GPBP1L1: variants seen among roughly 807,000 people sequenced by gnomAD.
GPBP1L1 encodes vasculin-like protein 1.
Under a neutral mutation model 52.5 loss-of-function variants are expected in GPBP1L1, and 23 were observed. The observed-to-expected ratio is 0.44, with a 90% CI of 0.32 to 0.62. The LOEUF is 0.62. Among genes scored for constraint, GPBP1L1 ranks in the 20% least tolerant of loss-of-function variants. The probability of loss-of-function intolerance (pLI) is 0.06; values close to 1 mark genes in which losing one functional copy is unlikely to be tolerated. For synonymous variants in GPBP1L1, 243 were observed against 203.1 expected (o/e 1.20, Z -1.67); for missense variants, 596 against 579.3 (o/e 1.03, Z -0.30).
intron 2 of GPBP1L1, among the ~76,000 whole-genome samples, chr1:45,664,238 G>A (rs1363410374): frequency 6.6e-6 from 1 of 151,006 alleles, no homozygotes; most frequent in African/African-American, 2.4e-5. Context: ...GAGAATGGCG[G>A]GAACCCGGGA....
rs983872283 is a variant in GPBP1L1, at chr1:45,673,856, C to T, written c.-1098+11720G>A. Among the ~76,000 whole-genome samples the T allele has an allele frequency of 5.9e-5, 9 of 152,256 alleles. No homozygotes were observed. The East Asian group carries it at 1.7e-3, about 29-fold the overall frequency. On this transcript the variant is annotated intron_variant, in intron 2 of 12. Coordinates refer to ENST00000355105, the MANE Select transcript of GPBP1L1 (RefSeq NM_021639.5). ...GCCAGGCAACAGAGCAAGACTCCGT[C>T]TCAAACAAACAAACAAAAAAAATTG...
chr1:45,672,525 C>T (rs1645086217), intron 2 of GPBP1L1, among the ~76,000 whole-genome samples: 1 of 138,926 alleles, frequency 7.2e-6, no homozygotes, highest in Non-Finnish European at 1.6e-5. Flanking sequence ...GACAGAAGAA[C>T]TCTTTTTATA....
intron 2 of GPBP1L1, among the ~76,000 whole-genome samples, chr1:45,671,983 G>T (rs559457203): frequency 6.6e-6 from 1 of 152,204 alleles, no homozygotes; most frequent in East Asian, 1.9e-4. Flanking sequence ...CATGAGCACG[G>T]TCAACTTCTT....
At chr1:45,673,152 G>C (rs927776473) in intron 2 of GPBP1L1, among the ~76,000 whole-genome samples, 1 of 152,182 alleles carries the variant, frequency 6.6e-6, no homozygotes, top group African/African-American at 2.4e-5. Context: ...ATGTACCAGT[G>C]AAGACTGGCC....
chr1:45,683,653 T>C (rs947318942), intron 2 of GPBP1L1, among the ~76,000 whole-genome samples: 15 of 150,696 alleles, frequency 1.0e-4, no homozygotes, highest in East Asian at 2.0e-4. Flanking sequence ...AGTGAGCAGA[T>C]TGCTTGAGTC....
At chr1:45,658,317 T>C (rs1390562310) in intron 4 of GPBP1L1, among the ~76,000 whole-genome samples, 1 of 152,182 alleles carries the variant, frequency 6.6e-6, no homozygotes, top group Non-Finnish European at 1.5e-5. Context: ...CAAAGGTCTG[T>C]TTACCCAAGT....
intron 7 of GPBP1L1, 63 bp downstream of exon 7, chr1:45,642,364 G>A (rs1416057565): frequency 2.0e-6 from 2 of 1,024,302 alleles, no homozygotes; most frequent in Non-Finnish European, 3.1e-6. Context: ...AGGAATCTTT[G>A]CTCCCCTCCC....
intron 6 of GPBP1L1, among the ~76,000 whole-genome samples, chr1:45,645,384 C>T (rs10890336): frequency 0.29 from 43,573 of 152,000 alleles, 6,370 homozygotes; most frequent in South Asian, 0.37. Context: ...ATCTATTTTA[C>T]GTTTTTATTT....
At position 45,633,636 on chromosome 1, in the gene GPBP1L1, G is replaced by A; in HGVS notation, c.897C>T (p.Ser299=). 2 of 1,613,812 alleles carry A rather than the reference G, an allele frequency of 1.2e-6. No homozygotes were observed. The highest frequency in any genetic ancestry group is 1.7e-6 in the Non-Finnish European group (2 of 1,179,942). ...AGCTGATCTCAATTGGAGGGGTGGT[G>A]CTGGAGGGACTCTGGGCAAATACCA... The part of the protein sequence containing the change: ...ALSSPKESPS[S]TTPPIEISSS... The change falls in exon 10 of 13, where the codon AGC becomes AGT. Residue 299 remains serine (S), a synonymous_variant. Transcript: ENST00000355105.
rs1423920082 is a variant in GPBP1L1, at chr1:45,661,136, C to A, written c.-1008G>T. The A allele has an allele frequency of 6.6e-6, 1 of 152,188 alleles. No homozygotes were observed. The allele number at this position is 152,188 out of a possible 1,614,324, so 9.4% of individuals were successfully genotyped here. On this transcript the variant is annotated 5_prime_UTR_variant, in exon 3 of 13. Coordinates refer to ENST00000355105, the MANE Select transcript of GPBP1L1 (RefSeq NM_021639.5). ...GCCACTGGAAGGAGATATGAAGAAT[C>A]TTCTATGCTTTGGTAGAGAAGTCAC... is the stretch of plus-strand genomic sequence containing the variant.
chr1:45,651,305 C>T (rs528761620), intron 6 of GPBP1L1: 66 of 386,418 alleles, frequency 1.7e-4, no homozygotes, highest in South Asian at 1.1e-3. Flanking sequence ...CCCCATTTTA[C>T]GACACAGGGC....
At chr1:45,645,861 T>C in intron 6 of GPBP1L1, 1 of 511,408 alleles carries the variant, frequency 2.0e-6, no homozygotes, top group Non-Finnish European at 3.8e-6. Flanking sequence ...GTTTTCGTCT[T>C]GCTTCTTCAT....
chr1:45,684,502 G>C (rs917056260), intron 2 of GPBP1L1, among the ~76,000 whole-genome samples: 1 of 152,064 alleles, frequency 6.6e-6, no homozygotes, highest in South Asian at 2.1e-4. Context: ...ATGGTTGAAT[G>C]TGTCCTCCTC....
chr1:45,656,711 G>A (rs1325151172), intron 4 of GPBP1L1, among the ~76,000 whole-genome samples: 2 of 150,854 alleles, frequency 1.3e-5, no homozygotes, highest in Non-Finnish European at 2.9e-5. Flanking sequence ...AGTCACCCAG[G>A]CTGGAGTACA....
chr1:45,664,089 T>C (rs1226891489), intron 2 of GPBP1L1, among the ~76,000 whole-genome samples: 1 of 151,990 alleles, frequency 6.6e-6, no homozygotes, highest in Non-Finnish European at 1.5e-5. Flanking sequence ...TCCCAGCACT[T>C]TGGGAGGCCG....
chr1:45,682,667 A>G (rs2148524334), intron 2 of GPBP1L1, among the ~76,000 whole-genome samples: 2 of 152,330 alleles, frequency 1.3e-5, no homozygotes, highest in South Asian at 4.1e-4. Flanking sequence ...AAAATGATTC[A>G]GCTAACAGAT....
chr1:45,682,148 G>C (rs915471861), intron 2 of GPBP1L1, among the ~76,000 whole-genome samples: 1 of 152,102 alleles, frequency 6.6e-6, no homozygotes, highest in Non-Finnish European at 1.5e-5. Context: ...TTTACTAACA[G>C]CACAAAAACT....
In GPBP1L1 at chr1:45,633,489, ATCT is replaced by A; in HGVS notation, c.1041_1043del (p.Glu347del). 1 of 1,613,672 alleles carries A rather than the reference ATCT, an allele frequency of 6.2e-7. No homozygotes were observed. The highest frequency in any genetic ancestry group is 8.5e-7 in the Non-Finnish European group (1 of 1,179,896). ...CCCCAGAAAAGGCGGATGCTCTTAC[ATCT>A]TCCAGCTTGTCACAGTCTCTATTCT... On this transcript the variant is annotated inframe_deletion and splice_region_variant, in exon 10 of 13. Transcript: ENST00000355105.
chr1:45,630,518 C>T lies in GPBP1L1; in HGVS notation c.1133G>A (p.Gly378Glu), dbSNP rs1434797628. Residue 378 changes from glycine (G) to glutamate (E), a missense_variant, in exon 11 of 13, where the codon GGG becomes GAG. Physicochemically the swap from Gly to Glu is moderately conservative, Grantham distance 98. Transcript: ENST00000355105. The stretch of plus-strand genomic sequence containing the variant: ...TTCTAGAGAGTGTGAGAGAACCTCC[C>T]CTTCTTCCACTACAGGGAGGGCAAG... Reference protein sequence around the residue: ...NGLALPVVEEGEVLSHSLEAE... With the variant: ...NGLALPVVEEEEVLSHSLEAE... 3.1e-6 allele frequency: 5 copies of T among 1,613,966 alleles called. No homozygotes were observed. The highest frequency in any genetic ancestry group is 4.5e-5 in the East Asian group (2 of 44,890).
Sources: allele counts gnomAD v4.1 joint callset (sites outside exome capture counted in the v4.1 genomes callset), GRCh38; gene constraint gnomAD v4.1.1; transcripts MANE v1.5; gene names NCBI Gene and HGNC (gene_info 2026-07-23, HGNC 2026-07-21).